GNA12: variants seen among roughly 807,000 people sequenced by gnomAD.
The protein encoded by GNA12 is G protein subunit alpha 12, also known as guanine nucleotide-binding protein subunit alpha-12.
In GNA12, 9 loss-of-function variants were observed where a neutral mutation model predicts 26.0. That is an observed-to-expected ratio of 0.35 (90% CI 0.21 to 0.60). The LOEUF (loss-of-function observed/expected upper bound fraction) is 0.60. Among genes scored for constraint, GNA12 ranks in the 20% least tolerant of loss-of-function variants. GNA12 has a pLI of 0.78. For synonymous variants in GNA12, 264 were observed against 219.6 expected (o/e 1.20, Z -1.79); for missense variants, 405 against 525.8 (o/e 0.77, Z 2.25).
At chr7:2,757,876 T>C (rs1341779931) in intron 2 of GNA12, among the ~76,000 whole-genome samples, 1 of 152,150 alleles carries the variant, frequency 6.6e-6, no homozygotes, top group Non-Finnish European at 1.5e-5. Context: ...AGCTTAAATA[T>C]TTTTTCCTTT....
intron 1 of GNA12, among the ~76,000 whole-genome samples, chr7:2,816,025 C>T (rs1793210245): frequency 6.6e-6 from 1 of 152,252 alleles, no homozygotes; most frequent in Admixed American, 6.5e-5. Flanking sequence ...CGTCTAAGTA[C>T]ACATCCCGGA....
chr7:2,766,172 A>G (rs1258860889), intron 2 of GNA12, among the ~76,000 whole-genome samples: 3 of 152,056 alleles, frequency 2.0e-5, no homozygotes, highest in Admixed American at 6.6e-5. Context: ...TTTTGTTTCT[A>G]TGCATTTGAC....
chr7:2,747,505 T>G (rs908667364), intron 2 of GNA12, among the ~76,000 whole-genome samples: 1 of 152,202 alleles, frequency 6.6e-6, no homozygotes, highest in African/African-American at 2.4e-5. Flanking sequence ...AAATTAGGTA[T>G]TGATGGGACG....
At chr7:2,770,643 ATAACAAC>A (rs549176330) in intron 2 of GNA12, among the ~76,000 whole-genome samples, 16,464 of 131,972 alleles carry the variant, frequency 0.12, 1,014 homozygotes, top group Middle Eastern at 0.2. Flanking sequence ...CTCAACAACA[ATAACAAC>A]AACAAAACAA....
intron 1 of GNA12, among the ~76,000 whole-genome samples, chr7:2,802,920 GC>G (rs750100151): frequency 1.3e-5 from 2 of 152,228 alleles, no homozygotes; most frequent in Non-Finnish European, 2.9e-5. Flanking sequence ...CAGAGCCTCT[GC>G]CATTTCACAG....
At chr7:2,735,423 T>C (rs778032039) in intron 2 of GNA12, among the ~76,000 whole-genome samples, 6 of 151,846 alleles carry the variant, frequency 4.0e-5, no homozygotes, top group Non-Finnish European at 7.4e-5. Flanking sequence ...CCCCAGCCAG[T>C]GCTCTTATCA....
intron 1 of GNA12, among the ~76,000 whole-genome samples, chr7:2,822,895 G>C (rs1562445973): frequency 6.6e-6 from 1 of 152,162 alleles, no homozygotes; most frequent in Admixed American, 6.5e-5. Context: ...CCCTAAGAGA[G>C]TCTGCTCAGC....
At chr7:2,746,530 G>A (rs958752208) in intron 2 of GNA12, among the ~76,000 whole-genome samples, 46 of 151,544 alleles carry the variant, frequency 3.0e-4, no homozygotes, top group African/African-American at 1.1e-3. Flanking sequence ...TGTGTAGAGG[G>A]AAATTTATAG....
intron 2 of GNA12, among the ~76,000 whole-genome samples, chr7:2,781,436 GT>G (rs1792226852): frequency 6.6e-6 from 1 of 151,242 alleles, no homozygotes; most frequent in Non-Finnish European, 1.5e-5. Context: ...GTGTGTGTGT[GT>G]GTGTGTGTGT....
intron 2 of GNA12, among the ~76,000 whole-genome samples, chr7:2,774,284 T>A (rs1382833581): frequency 6.6e-6 from 1 of 152,214 alleles, no homozygotes; most frequent in African/African-American, 2.4e-5. Flanking sequence ...TATGTGTGTA[T>A]ATATATGTAA....
At chr7:2,741,981 T>C (rs1423639407) in intron 2 of GNA12, among the ~76,000 whole-genome samples, 1 of 152,022 alleles carries the variant, frequency 6.6e-6, no homozygotes, top group Non-Finnish European at 1.5e-5. Context: ...GTAGTTATCA[T>C]GCCTCTTTAG....
At chr7:2,767,012 G>C (rs572221120) in intron 2 of GNA12, among the ~76,000 whole-genome samples, 1 of 152,308 alleles carries the variant, frequency 6.6e-6, no homozygotes, top group South Asian at 2.1e-4. Flanking sequence ...CTTTGCATAG[G>C]CTAGATGGCC....
chr7:2,792,732 CTT>C (rs772207953), intron 2 of GNA12, among the ~76,000 whole-genome samples: 24 of 152,210 alleles, frequency 1.6e-4, no homozygotes, highest in Non-Finnish European at 2.9e-4. Flanking sequence ...CTTCCACTCT[CTT>C]TTGATTCTTT....
intron 3 of GNA12, among the ~76,000 whole-genome samples, chr7:2,733,102 C>G (rs1789983194): frequency 6.6e-6 from 1 of 152,210 alleles, no homozygotes; most frequent in Admixed American, 6.5e-5. Context: ...GCTGCTGAAA[C>G]AAGACTGGTA....
At chr7:2,747,832 A>T (rs1790841905) in intron 2 of GNA12, among the ~76,000 whole-genome samples, 1 of 152,136 alleles carries the variant, frequency 6.6e-6, no homozygotes, top group African/African-American at 2.4e-5. Flanking sequence ...ATATAAAATC[A>T]ATGTACAAAA....
At chr7:2,838,280 T>TA (rs36115085) in intron 1 of GNA12, among the ~76,000 whole-genome samples, 16,121 of 143,660 alleles carry the variant, frequency 0.11, 1,041 homozygotes, top group Middle Eastern at 0.2. Flanking sequence ...GCATTATACT[T>TA]AAAAAAAAAA....
intron 2 of GNA12, among the ~76,000 whole-genome samples, chr7:2,747,862 A>C (rs1356326265): frequency 6.6e-6 from 1 of 152,200 alleles, no homozygotes; most frequent in Non-Finnish European, 1.5e-5. Flanking sequence ...ATTCTTATAC[A>C]CCAATAACAG....
intron 2 of GNA12, chr7:2,762,449 C>T: frequency 1.9e-6 from 1 of 531,530 alleles, no homozygotes; most frequent in Non-Finnish European, 3.2e-6. Context: ...CGCTACTTAA[C>T]TCCAAAGTCC....
chr7:2,819,184 G>A (rs1031015840), intron 1 of GNA12, among the ~76,000 whole-genome samples: 3 of 152,140 alleles, frequency 2.0e-5, no homozygotes, highest in Admixed American at 2.0e-4. Context: ...CTGGAGGGAG[G>A]CCTCCAGGAG....
Sources: gnomAD v4.1 joint callset for allele counts (sites outside exome capture counted in the v4.1 genomes callset) on GRCh38, gnomAD v4.1.1 for gene constraint, MANE v1.5 for transcripts, NCBI Gene and HGNC (gene_info 2026-07-23, HGNC 2026-07-21) for gene names.